JMY: variants seen among roughly 807,000 people sequenced by gnomAD.
The protein encoded by JMY is junction-mediating and -regulatory protein.
Under a neutral mutation model 103.3 loss-of-function variants are expected in JMY, and 46 were observed. The ratio of observed to expected loss-of-function variants is 0.45; its 90% CI spans 0.35 to 0.57. The LOEUF is 0.57. Ranked by LOEUF, JMY falls within the 20% of genes least tolerant of loss-of-function variation. The probability of loss-of-function intolerance (pLI) is 0.00; values close to 1 mark genes in which losing one functional copy is unlikely to be tolerated. For synonymous variants in JMY, 526 were observed against 489.3 expected (o/e 1.07, Z -0.99); for missense variants, 1,238 against 1,255.2 (o/e 0.99, Z 0.21).
At chr5:79,319,789 A>G (rs1001232610) in intron 10 of JMY, among the ~76,000 whole-genome samples, 1 of 152,140 alleles carries the variant, frequency 6.6e-6, no homozygotes, top group African/African-American at 2.4e-5. Flanking sequence ...CATGTTGGCC[A>G]GGCTGGTCTC....
chr5:79,237,021 G>A lies in JMY; in HGVS notation c.371G>A (p.Gly124Glu). ...CCTCGGAGCACTCGCAGCCTTCTGG[G>A]GGACCCGCGGCTGCGGAGTCCTGGC... is the stretch of plus-strand genomic sequence containing the variant. Reference protein sequence around the residue: ...GSPRSTRSLLGDPRLRSPGSK... With the variant: ...GSPRSTRSLLEDPRLRSPGSK... Residue 124 changes from glycine to glutamate, a missense_variant, in exon 1 of 11, where the codon GGG becomes GAG. Physicochemically the swap from Gly to Glu is moderately conservative, Grantham distance 98 (BLOSUM62 -2). Coordinates refer to ENST00000396137, the MANE Select transcript of JMY (RefSeq NM_152405.5). 10 of 1,498,996 alleles carry A rather than the reference G, an allele frequency of 6.7e-6. No individual in the cohort carries two copies. The highest frequency in any genetic ancestry group is 8.9e-6 in the Non-Finnish European group (10 of 1,122,872). The allele number at this position is 1,498,996 out of a possible 1,614,324, so 92.9% of individuals were successfully genotyped here.
intron 1 of JMY, among the ~76,000 whole-genome samples, chr5:79,238,994 C>T: frequency 6.6e-6 from 1 of 152,090 alleles, no homozygotes; most frequent in East Asian, 1.9e-4. Context: ...GTTTATATTC[C>T]TAAGATTGTG....
intron 8 of JMY, 85 bp downstream of exon 8, chr5:79,312,583 T>TG: frequency 6.1e-6 from 4 of 661,154 alleles, no homozygotes; most frequent in Non-Finnish European, 9.5e-6. Flanking sequence ...GATTTCTTTG[T>TG]GGGAAAAACT....
chr5:79,291,971 G>A (rs1746435278), intron 4 of JMY, among the ~76,000 whole-genome samples: 1 of 152,108 alleles, frequency 6.6e-6, no homozygotes, highest in Non-Finnish European at 1.5e-5. Context: ...TTTGGCTTAG[G>A]TTGTACAGCA....
rs1561284377 is a variant in JMY, at chr5:79,237,292, G to GCCGC, written c.648_651dup (p.Thr218ArgfsTer99). 1 of 1,556,872 alleles carries GCCGC rather than the reference G, an allele frequency of 6.4e-7. No individual in the cohort carries two copies. Among genetic ancestry groups the GCCGC allele is most frequent in the Non-Finnish European group, 8.7e-7 (1 of 1,150,522 alleles). On this transcript the variant is annotated frameshift_variant, in exon 1 of 11. Coordinates refer to ENST00000396137, the MANE Select transcript of JMY (RefSeq NM_152405.5). LOFTEE classifies it high-confidence loss of function. ...TGGCGCTCTCGGACGCGGAGCAGCC[G>GCCGC]CCGCCCGCCACCGAGCTGGAGTCTC...
At position 79,324,954 on chromosome 5, in the gene JMY, A is replaced by G. The variant is rs1425302283; in HGVS notation, c.*3352A>G. 2.0e-5 allele frequency: 3 copies of G among 152,672 alleles called. No individual in the cohort carries two copies. The highest frequency in any genetic ancestry group is 6.5e-5 in the Admixed American group (1 of 15,280). 9.5% of individuals were successfully genotyped at this position (152,672 alleles called of 1,614,324 possible). ...GAACTATGTAGTAATATTTGGTAACATATGGCATGGCCACTTTATATCACA... is the reference window on the plus strand; with the variant it reads ...GAACTATGTAGTAATATTTGGTAACGTATGGCATGGCCACTTTATATCACA... On this transcript the variant is annotated 3_prime_UTR_variant, in exon 11 of 11. Coordinates refer to ENST00000396137, the MANE Select transcript of JMY (RefSeq NM_152405.5).
chr5:79,289,080 C>A (rs545093726), intron 2 of JMY, among the ~76,000 whole-genome samples: 2 of 151,540 alleles, frequency 1.3e-5, no homozygotes, highest in African/African-American at 4.8e-5. Context: ...AATAAAAATA[C>A]AAAAATTAGC....
At chr5:79,248,474 G>A (rs1407316504) in intron 1 of JMY, among the ~76,000 whole-genome samples, 1 of 149,156 alleles carries the variant, frequency 6.7e-6, no homozygotes, top group Non-Finnish European at 1.5e-5. Flanking sequence ...ACCCAGCTAA[G>A]TTTTTTGTAT....
At chr5:79,306,255 T>C in intron 6 of JMY, 120 bp from the exon 7 acceptor site, 1 of 655,664 alleles carries the variant, frequency 1.5e-6, no homozygotes, top group Non-Finnish European at 2.7e-6. Context: ...AAACAAGAGG[T>C]GGTCAATGTG....
rs1177071362 is a variant in JMY at position 79,270,283 on chromosome 5, ATAAAATATATATTTACATAAATATT to A, written c.1033-7570_1033-7546del. On this transcript the variant is annotated intron_variant, in intron 1 of 10. Coordinates refer to ENST00000396137, the MANE Select transcript of JMY (RefSeq NM_152405.5). ...CATATATAAAAATTTATATGTTTAT[ATAAAATATATATTTACATAAATATT>A]TAAAATATATATTTACATAAATATT... Among the ~76,000 whole-genome samples, 160 of 147,380 alleles carry A rather than the reference ATAAAATATATATTTACATAAATATT, an allele frequency of 1.1e-3. 4 individuals carry two copies. Among genetic ancestry groups the A allele is most frequent in the East Asian group, 3.1e-3 (16 of 5,132 alleles).
chr5:79,238,942 C>T (rs886985864), intron 1 of JMY, among the ~76,000 whole-genome samples: 2 of 152,168 alleles, frequency 1.3e-5, no homozygotes, highest in African/African-American at 4.8e-5. Context: ...GGATTACAGG[C>T]GTGAGCCACT....
chr5:79,268,010 G>T (rs1036046194), intron 1 of JMY, among the ~76,000 whole-genome samples: 2 of 152,202 alleles, frequency 1.3e-5, no homozygotes, highest in Non-Finnish European at 2.9e-5. Flanking sequence ...CTTTGGGAGA[G>T]ACTGAGGTGG....
intron 6 of JMY, among the ~76,000 whole-genome samples, chr5:79,302,043 A>G (rs977729599): frequency 7.1e-6 from 1 of 140,234 alleles, no homozygotes; most frequent in Non-Finnish European, 1.5e-5. Context: ...AGATGGCACC[A>G]TTGCACTCCA....
intron 1 of JMY, among the ~76,000 whole-genome samples, chr5:79,245,818 T>C (rs1323323904): frequency 6.6e-6 from 1 of 151,920 alleles, no homozygotes; most frequent in Non-Finnish European, 1.5e-5. Flanking sequence ...TAGAGACGGG[T>C]TTTCACTGTG....
chr5:79,253,496 G>T (rs1745151837), intron 1 of JMY, among the ~76,000 whole-genome samples: 1 of 152,062 alleles, frequency 6.6e-6, no homozygotes, highest in Admixed American at 6.6e-5. Context: ...GTTTCACCGT[G>T]TTAGCCAGGA....
intron 2 of JMY, chr5:79,284,726 G>C (rs1049851038): frequency 6.3e-7 from 1 of 1,589,848 alleles, no homozygotes; most frequent in South Asian, 1.1e-5. Flanking sequence ...TCAAACACAC[G>C]ACCCTTGAGA....
At chr5:79,280,798 A>C (rs1024232209) in intron 2 of JMY, among the ~76,000 whole-genome samples, 1 of 152,040 alleles carries the variant, frequency 6.6e-6, no homozygotes, top group Non-Finnish European at 1.5e-5. Flanking sequence ...TTCACAGCTA[A>C]TTTGTAAGTG....
intron 1 of JMY, among the ~76,000 whole-genome samples, chr5:79,273,895 A>G (rs1652283861): frequency 6.6e-6 from 1 of 151,814 alleles, no homozygotes. Context: ...CAATGGCGCT[A>G]TCTCGGCTCA....
chr5:79,282,067 C>G (rs1314058037), intron 2 of JMY, among the ~76,000 whole-genome samples: 1 of 152,026 alleles, frequency 6.6e-6, no homozygotes, highest in East Asian at 1.9e-4. Flanking sequence ...ATTGGCCGGG[C>G]ATGGTGGTGG....
Sources: gnomAD v4.1 joint callset for allele counts (sites outside exome capture counted in the v4.1 genomes callset) on GRCh38, gnomAD v4.1.1 for gene constraint, MANE v1.5 for transcripts, NCBI Gene and HGNC (gene_info 2026-07-23, HGNC 2026-07-21) for gene names.